GNAQ: variants seen among roughly 807,000 people sequenced by gnomAD.
The protein encoded by GNAQ is G protein subunit alpha q.
A neutral mutation model predicts 43.9 loss-of-function variants in GNAQ; 8 were observed. The ratio of observed to expected loss-of-function variants is 0.18; its 90% CI spans 0.11 to 0.33. GNAQ has a LOEUF of 0.33. Ranked by LOEUF, GNAQ falls within the 10% of genes least tolerant of loss-of-function variation. The pLI is 1.00. For synonymous variants in GNAQ, 155 were observed against 170.7 expected, an observed-to-expected ratio of 0.91 and a Z score of 0.71; for missense variants, 158 against 450.8, an observed-to-expected ratio of 0.35 and a Z score of 5.88.
intron 2 of GNAQ, among the ~76,000 whole-genome samples, chr9:77,853,774 CAA>C (rs34924714): frequency 0.034 from 1,952 of 56,630 alleles, 31 homozygotes; most frequent in African/African-American, 0.1. Context: ...AAATTACTAC[CAA>C]AAAAAAAAAA....
At chr9:78,030,986 T>C (rs1221301037) in intron 1 of GNAQ, 114 bp downstream of exon 1, 7 of 671,324 alleles carry the variant, frequency 1.0e-5, no homozygotes, top group Non-Finnish European at 1.0e-5. Context: ...CCCGGGAGGG[T>C]AGGGGCGAAC....
intron 2 of GNAQ, among the ~76,000 whole-genome samples, chr9:77,862,831 A>T (rs1415182527): frequency 1.3e-5 from 2 of 152,180 alleles, no homozygotes; most frequent in Non-Finnish European, 2.9e-5. Context: ...CTTCCCTTAT[A>T]AAACTGAATG....
intron 2 of GNAQ, among the ~76,000 whole-genome samples, chr9:77,902,551 T>C (rs1404258253): frequency 6.6e-6 from 1 of 152,106 alleles, no homozygotes; most frequent in African/African-American, 2.4e-5. Context: ...AGTTTTAAAA[T>C]ACTAAAAAGG....
intron 2 of GNAQ, among the ~76,000 whole-genome samples, chr9:77,855,200 A>C (rs1056362343): frequency 6.6e-6 from 1 of 152,190 alleles, no homozygotes; most frequent in Non-Finnish European, 1.5e-5. Flanking sequence ...GAAGGGAAAC[A>C]AGAGGAGACA....
chr9:77,922,190 T>G lies in GNAQ; in HGVS notation c.292A>C (p.Lys98Gln). 2 of 1,613,626 alleles carry G rather than the reference T, an allele frequency of 1.2e-6. No homozygotes were observed. The highest frequency in any genetic ancestry group is 2.2e-5 in the South Asian group (2 of 91,072). The change falls in exon 2 of 7, where the codon AAG becomes CAG. Residue 98 changes from lysine to glutamine, a missense_variant. By Grantham distance (53) the Lys-to-Gln change is moderately conservative (BLOSUM62 1). Transcript: ENST00000286548. ...TTGTGCTCATACTTGTATGGGATCT[T>G]GAGTGTGTCCATGGCTCTGATCATG... ...QAMIRAMDTL[K>Q]IPYKYEHNKA...
chr9:77,771,533 C>T (rs1418978494), intron 5 of GNAQ, among the ~76,000 whole-genome samples: 3 of 152,112 alleles, frequency 2.0e-5, no homozygotes, highest in East Asian at 1.9e-4. Flanking sequence ...TGAGCACAGG[C>T]GAAGACAAGG....
At chr9:77,750,850 C>T (rs573009933) in intron 5 of GNAQ, among the ~76,000 whole-genome samples, 1 of 152,292 alleles carries the variant, frequency 6.6e-6, no homozygotes, top group African/African-American at 2.4e-5. Context: ...ACCCAAACAA[C>T]ACCTTGCTGT....
intron 5 of GNAQ, among the ~76,000 whole-genome samples, chr9:77,784,107 T>C (rs1232381537): frequency 6.7e-6 from 1 of 149,328 alleles, no homozygotes; most frequent in Non-Finnish European, 1.5e-5. Context: ...CTCTGAAATT[T>C]TTGTTTTTTT....
intron 1 of GNAQ, among the ~76,000 whole-genome samples, chr9:77,958,097 G>A (rs1823064639): frequency 6.6e-6 from 1 of 152,122 alleles, no homozygotes; most frequent in South Asian, 2.1e-4. Flanking sequence ...TCATCTACAG[G>A]AATAGTAGAG....
At chr9:77,796,078 C>A (rs896187338) in intron 4 of GNAQ, among the ~76,000 whole-genome samples, 1 of 152,128 alleles carries the variant, frequency 6.6e-6, no homozygotes, top group African/African-American at 2.4e-5. Context: ...AGACTTAAAA[C>A]GTAAGTAATA....
intron 3 of GNAQ, among the ~76,000 whole-genome samples, chr9:77,805,855 C>T (rs1342136924): frequency 2.0e-5 from 3 of 152,074 alleles, no homozygotes; most frequent in South Asian, 4.2e-4. Context: ...TTTCAATTTC[C>T]CTCTACCAAA....
intron 2 of GNAQ, among the ~76,000 whole-genome samples, chr9:77,897,763 T>C (rs897781189): frequency 6.6e-6 from 1 of 152,084 alleles, no homozygotes; most frequent in Non-Finnish European, 1.5e-5. Flanking sequence ...AGCTGCTAAG[T>C]GCCAAGATGG....
At position 78,031,664 on chromosome 9, in the gene GNAQ, T is replaced by G. The variant is rs1824064391; in HGVS notation, c.-429A>C. Among the ~76,000 whole-genome samples, 1 of 145,942 alleles carries G rather than the reference T, an allele frequency of 6.9e-6. No homozygotes were observed. Among genetic ancestry groups the G allele is most frequent in the Non-Finnish European group, 1.5e-5 (1 of 65,844 alleles). ...CGGCGAGAGCTCATTCACCGGGGTG[T>G]CCCCGCAGCGAGCGGCCGCCGACGG... On this transcript the variant is annotated 5_prime_UTR_variant, in exon 1 of 7. Coordinates refer to ENST00000286548, the MANE Select transcript of GNAQ (RefSeq NM_002072.5).
chr9:77,813,414 A>G (rs1314990818), intron 3 of GNAQ, among the ~76,000 whole-genome samples: 1 of 152,194 alleles, frequency 6.6e-6, no homozygotes, highest in African/African-American at 2.4e-5. Context: ...CTAAGATAGC[A>G]GCTTTTCCCA....
intron 1 of GNAQ, among the ~76,000 whole-genome samples, chr9:77,925,947 C>T (rs753273773): frequency 3.9e-5 from 6 of 152,128 alleles, no homozygotes; most frequent in Admixed American, 1.3e-4. Flanking sequence ...ATACCTAATA[C>T]AATGTAAATG....
At chr9:77,749,289 T>C (rs1564098737) in intron 5 of GNAQ, among the ~76,000 whole-genome samples, 1 of 152,222 alleles carries the variant, frequency 6.6e-6, no homozygotes, top group South Asian at 2.1e-4. Flanking sequence ...AGCAACGAGC[T>C]GATGCCAGTT....
intron 1 of GNAQ, among the ~76,000 whole-genome samples, chr9:78,008,734 T>C (rs1275774339): frequency 6.6e-6 from 1 of 152,166 alleles, no homozygotes; most frequent in Non-Finnish European, 1.5e-5. Context: ...TTCTCCCACC[T>C]CAGCCTTTCA....
chr9:77,853,739 C>T (rs1363246974), intron 2 of GNAQ, among the ~76,000 whole-genome samples: 1 of 116,084 alleles, frequency 8.6e-6, no homozygotes, highest in Non-Finnish European at 1.6e-5. Flanking sequence ...ATTATTCCAG[C>T]GGATTTCAAT....
rs935284047 is a variant in GNAQ, at chr9:77,797,455, A to G, written c.605+65T>C. On this transcript the variant is annotated intron_variant, in intron 4 of 6. Coordinates refer to ENST00000286548, the MANE Select transcript of GNAQ (RefSeq NM_002072.5). ...GCCTACACATGATTCCAGTATTTATAGAGTTTACCAAATGTACTCAAGGCA... is the reference window on the plus strand; with the variant it reads ...GCCTACACATGATTCCAGTATTTATGGAGTTTACCAAATGTACTCAAGGCA... 6 of 1,212,192 alleles carry G rather than the reference A, an allele frequency of 4.9e-6. No homozygotes were observed. In the Admixed American group the frequency reaches 5.1e-5, roughly 10 times the overall value. 75.1% of individuals were successfully genotyped at this position (1,212,192 alleles called of 1,614,324 possible).
Sources: allele counts gnomAD v4.1 joint callset (sites outside exome capture counted in the v4.1 genomes callset), GRCh38; gene constraint gnomAD v4.1.1; transcripts MANE v1.5; gene names NCBI Gene and HGNC (gene_info 2026-07-23, HGNC 2026-07-21).